NDE1: variants seen among roughly 807,000 people sequenced by gnomAD.
The protein encoded by NDE1 is nuclear distribution protein nudE homolog 1.
NDE1 carries 28 observed loss-of-function variants against 43.4 expected under a neutral mutation model. The observed-to-expected ratio is 0.65, with a 90% CI of 0.48 to 0.89. The LOEUF is 0.89. NDE1 is among the 40% of genes least tolerant of loss of function. The pLI, the probability that NDE1 is intolerant of heterozygous loss-of-function variation, is 0.00. For missense variants in NDE1, 441 were observed against 434.1 expected, an observed-to-expected ratio of 1.02 and a Z score of -0.14; for synonymous variants, 184 against 172.0, an observed-to-expected ratio of 1.07 and a Z score of -0.55.
At chr16:15,689,072 T>A (rs1292477906) in intron 5 of NDE1, among the ~76,000 whole-genome samples, 1 of 152,130 alleles carries the variant, frequency 6.6e-6, no homozygotes, top group Non-Finnish European at 1.5e-5. Flanking sequence ...TAAAAATTCT[T>A]AAGTTTAATA....
intron 5 of NDE1, 80 bp downstream of exon 5, chr16:15,687,591 C>T (rs1254690956): frequency 7.3e-7 from 1 of 1,360,614 alleles, no homozygotes; most frequent in East Asian, 2.3e-5. Flanking sequence ...GCTCTCCCAG[C>T]ATTATCTTTA....
At chr16:15,709,640 G>A (rs1023458432) in intron 8 of NDE1, among the ~76,000 whole-genome samples, 3 of 152,156 alleles carry the variant, frequency 2.0e-5, no homozygotes, top group Non-Finnish European at 2.9e-5. Flanking sequence ...AAAGGAAAAT[G>A]TCTGTCCTTT....
intron 3 of NDE1, among the ~76,000 whole-genome samples, chr16:15,674,615 G>A (rs2037772662): frequency 6.6e-6 from 1 of 152,098 alleles, no homozygotes; most frequent in African/African-American, 2.4e-5. Context: ...GGAGAGTCCT[G>A]GATCAAAAAT....
intron 7 of NDE1, among the ~76,000 whole-genome samples, chr16:15,696,352 G>A (rs1296214557): frequency 6.6e-6 from 1 of 151,662 alleles, no homozygotes; most frequent in South Asian, 2.1e-4. Context: ...CTCCAGCCTG[G>A]GTGACACAGC....
rs192676844 is a variant in NDE1, at chr16:15,700,671, G to T, written c.947+3811G>T. 9.1e-3 allele frequency among the ~76,000 whole-genome samples: 1,386 copies of T among 151,690 alleles called. 9 individuals are homozygous for T. The highest frequency in any genetic ancestry group is 0.016 in the Non-Finnish European group (1,098 of 67,918). ...TCACCATGTTGGCCATGCTGGTCTT[G>T]AACTCCCGGCCTCAAGTGATCCTCC... On this transcript the variant is annotated intron_variant, in intron 8 of 8. Coordinates refer to ENST00000396354, the MANE Select transcript of NDE1 (RefSeq NM_017668.3).
At chr16:15,671,186 A>G (rs985665919) in intron 3 of NDE1, among the ~76,000 whole-genome samples, 1 of 152,126 alleles carries the variant, frequency 6.6e-6, no homozygotes, top group East Asian at 1.9e-4. Flanking sequence ...CCATCCATCA[A>G]AATTTGTAAA....
At position 15,687,375 on chromosome 16, in the gene NDE1, C is replaced by A. The variant is rs373842185; in HGVS notation, c.387C>A (p.Arg129=). ...QANDDLERAK[R]ATIMSLEDFE... is the part of the protein sequence containing the mutation. Reference sequence around the variant, plus strand: ...ATAACTCTGCTTTTCTCTTCGCCAGCGCCACGATCATGTCTCTCGAAGACT... The same window carrying A: ...ATAACTCTGCTTTTCTCTTCGCCAGAGCCACGATCATGTCTCTCGAAGACT... The change falls in exon 5 of 9, where the codon CGC becomes CGA. Residue 129 remains arginine (R), a splice_region_variant and synonymous_variant. Coordinates refer to ENST00000396354, the MANE Select transcript of NDE1 (RefSeq NM_017668.3). The A allele has an allele frequency of 1.9e-6, 3 of 1,614,120 alleles. No individual in the cohort carries two copies. The Admixed American group carries it at 5.0e-5, about 27-fold the overall frequency.
rs763280025 is a variant in NDE1, at chr16:15,724,691, C to A, written c.*440C>A. On this transcript the variant is annotated 3_prime_UTR_variant, in exon 9 of 9. Transcript: ENST00000396354. Reference sequence around the variant, plus strand: ...ATGTGGCGCTCCAGGTTCTGCTTGGCCTCCATCTCCTCGTCCAGCTGGTCT... The same window carrying A: ...ATGTGGCGCTCCAGGTTCTGCTTGGACTCCATCTCCTCGTCCAGCTGGTCT... 10 of 1,614,192 alleles carry A rather than the reference C, an allele frequency of 6.2e-6. No homozygotes were observed. The Admixed American group carries it at 1.7e-4, about 27-fold the overall frequency.
chr16:15,719,298 G>C lies in NDE1; in HGVS notation c.948-4893G>C, dbSNP rs779639232. ...CGCTTGTTTGCGAGCCCTCTCAGCG[G>C]CGGCGAGGTCCTAGGTGGGAGGGAG... On this transcript the variant is annotated intron_variant, in intron 8 of 8. Transcript: ENST00000396354. 1 of 1,611,520 alleles carries C rather than the reference G, an allele frequency of 6.2e-7. No individual in the cohort carries two copies. The highest frequency in any genetic ancestry group is 1.7e-5 in the Admixed American group (1 of 60,002).
intron 4 of NDE1, among the ~76,000 whole-genome samples, chr16:15,686,102 C>T (rs1304222378): frequency 1.3e-5 from 2 of 152,060 alleles, no homozygotes; most frequent in African/African-American, 4.8e-5. Context: ...CATGTGTGCA[C>T]CATCATGCCC....
At chr16:15,720,024 C>A (rs1449727865) in intron 8 of NDE1, 8 of 1,336,388 alleles carry the variant, frequency 6.0e-6, no homozygotes, top group Non-Finnish European at 8.5e-6. Flanking sequence ...TCCAGAAAAA[C>A]CCCAGCTGAA....
intron 4 of NDE1, chr16:15,686,378 GT>G (rs2038440477): frequency 1.0e-6 from 1 of 985,210 alleles, no homozygotes. Flanking sequence ...ATAACAGATT[GT>G]TTTCTTACAG....
chr16:15,699,802 G>A (rs766128896), intron 8 of NDE1: 13 of 1,351,364 alleles, frequency 9.6e-6, no homozygotes, highest in Non-Finnish European at 1.2e-5. Context: ...AGCCCAGGGG[G>A]TAGTCAAGAT....
chr16:15,687,270 G>A (rs2038486130), intron 4 of NDE1, 105 bp from the exon 5 acceptor site: 1 of 1,599,654 alleles, frequency 6.3e-7, no homozygotes, highest in Admixed American at 1.7e-5. Context: ...TTGGGGCTGG[G>A]ACTTGTGCCC....
intron 3 of NDE1, among the ~76,000 whole-genome samples, chr16:15,667,692 C>T (rs995275523): frequency 5.9e-5 from 8 of 134,666 alleles, no homozygotes; most frequent in African/African-American, 2.0e-4. Context: ...AGGGCAGTGG[C>T]GCGATCTTGG....
In NDE1 at chr16:15,717,800, AAAG is replaced by A. The variant is rs1434773319; in HGVS notation, c.948-6389_948-6387del. 6 of 259,566 alleles carry A rather than the reference AAAG, an allele frequency of 2.3e-5. No individual in the cohort carries two copies. The East Asian group carries it at 3.9e-4, about 17-fold the overall frequency. 16.1% of individuals were successfully genotyped at this position (259,566 alleles called of 1,614,324 possible). A position where few individuals can be genotyped will look rare whatever the true frequency, so the allele number is the denominator to read the frequency against. ...CACAGAGAGACCCTGTCTCCAAAAA[AAAG>A]AGGTGCTTCCACAAGTGTCAGTGCC... On this transcript the variant is annotated intron_variant, in intron 8 of 8. Coordinates refer to ENST00000396354, the MANE Select transcript of NDE1 (RefSeq NM_017668.3).
chr16:15,667,300 A>G lies in NDE1; in HGVS notation c.98A>G (p.Gln33Arg). Residue 33 changes from glutamine (Q) to arginine (R), a missense_variant, in exon 3 of 9, where the codon CAA (glutamine) becomes CGA (arginine). By Grantham distance (43) the Gln-to-Arg change is conservative. Coordinates refer to ENST00000396354, the MANE Select transcript of NDE1 (RefSeq NM_017668.3). ...TTTTGCTGTAGGGCAGAAAATACGC[A>G]AGAGGAACTCCGAGAATTCCAGGAG... The part of the protein sequence containing the change: ...MTYKQRAENT[Q>R]EELREFQEGS... The G allele has an allele frequency of 6.2e-7, 1 of 1,614,168 alleles. No homozygotes were observed. The highest frequency in any genetic ancestry group is 8.5e-7 in the Non-Finnish European group (1 of 1,180,022).
At chr16:15,648,500 C>T (rs1482540645), upstream of NDE1, among the ~76,000 whole-genome samples, 4 of 152,148 alleles carry the variant, frequency 2.6e-5, no homozygotes, top group Non-Finnish European at 5.9e-5. Flanking sequence ...AATGCAGTGG[C>T]GTGATCTCCA....
intron 1 of NDE1, among the ~76,000 whole-genome samples, chr16:15,663,659 AG>A (rs1186493060): frequency 1.2e-4 from 19 of 152,204 alleles, no homozygotes; most frequent in African/African-American, 4.3e-4. Context: ...ATGTATTTTC[AG>A]GTGCATACAT....
Sources: allele counts gnomAD v4.1 joint callset (sites outside exome capture counted in the v4.1 genomes callset), GRCh38; gene constraint gnomAD v4.1.1; transcripts MANE v1.5; gene names NCBI Gene and HGNC (gene_info 2026-07-23, HGNC 2026-07-21).